SGCZ: variants seen among roughly 807,000 people sequenced by gnomAD.
SGCZ encodes zeta-sarcoglycan.
In SGCZ, 40 loss-of-function variants were observed where a neutral mutation model predicts 41.3. The ratio of observed to expected loss-of-function variants is 0.97; its 90% CI spans 0.75 to 1.26. The LOEUF (loss-of-function observed/expected upper bound fraction) is 1.26, where lower values mean the gene tolerates loss of function less well. SGCZ is among the 50% of genes most tolerant of loss of function. The pLI, the probability that SGCZ is intolerant of heterozygous loss-of-function variation, is 0.00. For missense variants in SGCZ, 552 were observed against 369.8 expected, an observed-to-expected ratio of 1.49 and a Z score of -4.04; for synonymous variants, 206 against 137.5, an observed-to-expected ratio of 1.50 and a Z score of -3.49.
intron 1 of SGCZ, among the ~76,000 whole-genome samples, chr8:14,839,856 A>T (rs183810530): frequency 6.6e-6 from 1 of 152,298 alleles, no homozygotes; most frequent in East Asian, 1.9e-4. Context: ...TCATTGACCC[A>T]CTTGACAAGG....
Position 14,656,364 on chromosome 8 carries a change from TTTC to T in SGCZ, c.40-101441_40-101439del, listed in dbSNP as rs1191615546. On this transcript the variant is annotated intron_variant, in intron 1 of 7. Transcript: ENST00000382080. ...CTTCCTTCTCTCCTTCCTTCTTCCT[TTTC>T]TTTTCGTTTTTTCTTCTTTTTCTCC... Among the ~76,000 whole-genome samples, 4 of 151,166 alleles carry T rather than the reference TTTC, an allele frequency of 2.6e-5. No homozygotes were observed. The East Asian group carries it at 6.0e-4, about 23-fold the overall frequency.
At chr8:14,211,771 C>T (rs574974030) in intron 4 of SGCZ, among the ~76,000 whole-genome samples, 1 of 152,266 alleles carries the variant, frequency 6.6e-6, no homozygotes, top group South Asian at 2.1e-4. Context: ...ACAATCCAAT[C>T]ACCTCCCACC....
intron 1 of SGCZ, among the ~76,000 whole-genome samples, chr8:15,073,251 A>T (rs1240559256): frequency 6.6e-6 from 1 of 152,176 alleles, no homozygotes; most frequent in African/African-American, 2.4e-5. Flanking sequence ...TTTAATAATC[A>T]TATCTTCACA....
intron 1 of SGCZ, among the ~76,000 whole-genome samples, chr8:14,805,994 G>A (rs376991769): frequency 2.4e-4 from 36 of 150,806 alleles, no homozygotes; most frequent in East Asian, 2.2e-3. Context: ...GGTACATAAC[G>A]AAATGAAGGC....
chr8:14,398,486 G>C (rs557637914), intron 2 of SGCZ, among the ~76,000 whole-genome samples: 1 of 152,138 alleles, frequency 6.6e-6, no homozygotes, highest in Admixed American at 6.6e-5. Context: ...AACAATTATA[G>C]AACTTTATTT....
intron 1 of SGCZ, among the ~76,000 whole-genome samples, chr8:14,824,647 C>A (rs78171643): frequency 0.085 from 12,931 of 151,892 alleles, 1,121 homozygotes; most frequent in East Asian, 0.22. Flanking sequence ...GCTTGACTAA[C>A]AAAATCTAAA....
chr8:14,922,311 T>G (rs2130792925), intron 1 of SGCZ, among the ~76,000 whole-genome samples: 1 of 152,284 alleles, frequency 6.6e-6, no homozygotes, highest in Non-Finnish European at 1.5e-5. Flanking sequence ...TTAAAGACAG[T>G]CTTTCAGTAA....
At chr8:14,430,830 G>A (rs544258638) in intron 2 of SGCZ, among the ~76,000 whole-genome samples, 30 of 152,208 alleles carry the variant, frequency 2.0e-4, no homozygotes, top group Middle Eastern at 3.4e-3. Flanking sequence ...TAGAACTTAC[G>A]TAAGAATTCA....
At chr8:14,299,897 T>C (rs566476948) in intron 3 of SGCZ, among the ~76,000 whole-genome samples, 54 of 152,104 alleles carry the variant, frequency 3.6e-4, no homozygotes, top group African/African-American at 1.3e-3. Context: ...TACAATAAAA[T>C]ACTACTCATC....
chr8:14,971,042 T>C (rs957780869), intron 1 of SGCZ, among the ~76,000 whole-genome samples: 2 of 152,224 alleles, frequency 1.3e-5, no homozygotes, highest in South Asian at 2.1e-4. Flanking sequence ...TTGATGCTTT[T>C]GTGAAATATA....
chr8:14,234,991 T>C (rs1355525678), intron 4 of SGCZ, among the ~76,000 whole-genome samples: 7 of 152,172 alleles, frequency 4.6e-5, no homozygotes, highest in Admixed American at 4.6e-4. Context: ...GTAACTTAAG[T>C]GATACCAATA....
At chr8:14,797,859 T>C (rs1801188128) in intron 1 of SGCZ, among the ~76,000 whole-genome samples, 2 of 152,214 alleles carry the variant, frequency 1.3e-5, no homozygotes, top group South Asian at 2.1e-4. Flanking sequence ...GCTCAGCCAA[T>C]GGCTTCGTAG....
intron 1 of SGCZ, among the ~76,000 whole-genome samples, chr8:14,966,229 A>G (rs1585419873): frequency 6.6e-6 from 1 of 151,908 alleles, no homozygotes; most frequent in South Asian, 2.1e-4. Context: ...AGAAAGGAGA[A>G]AAACAGGGGA....
chr8:14,121,645 G>C (rs1328150340), intron 5 of SGCZ, among the ~76,000 whole-genome samples: 3 of 152,010 alleles, frequency 2.0e-5, no homozygotes, highest in East Asian at 3.9e-4. Context: ...TTATTGTGTA[G>C]CAAAATTTAT....
intron 1 of SGCZ, among the ~76,000 whole-genome samples, chr8:14,875,709 G>T (rs1428890074): frequency 6.6e-6 from 1 of 152,116 alleles, no homozygotes; most frequent in African/African-American, 2.4e-5. Flanking sequence ...TAGTAATAAA[G>T]TGAATGAGCT....
At chr8:14,972,126 G>T (rs527647861) in intron 1 of SGCZ, among the ~76,000 whole-genome samples, 2 of 151,942 alleles carry the variant, frequency 1.3e-5, no homozygotes, top group Non-Finnish European at 2.9e-5. Context: ...TTCCTTAAAT[G>T]TTTGATAGAA....
intron 1 of SGCZ, among the ~76,000 whole-genome samples, chr8:14,680,477 C>G (rs1470256522): frequency 6.6e-6 from 1 of 151,956 alleles, no homozygotes; most frequent in Non-Finnish European, 1.5e-5. Context: ...TCCTTTTGTT[C>G]AATTTTACTA....
intron 3 of SGCZ, among the ~76,000 whole-genome samples, chr8:14,287,894 C>G (rs1427964573): frequency 1.3e-5 from 2 of 152,044 alleles, no homozygotes; most frequent in Non-Finnish European, 2.9e-5. Flanking sequence ...GCTTAATGGT[C>G]TGAGAATTTG....
rs1801501877 is a variant in SGCZ, at chr8:15,218,890, T to G, written c.39+18695A>C. Among the ~76,000 whole-genome samples the G allele has an allele frequency of 2.0e-5, 3 of 152,198 alleles. No individual in the cohort carries two copies. In the South Asian group the frequency reaches 6.2e-4, roughly 32 times the overall value. ...CGACATTTAGTAAAGTTAAATCACTTGCCCAAGGTCACACAGCCCACAAGT... is the reference window on the plus strand; with the variant it reads ...CGACATTTAGTAAAGTTAAATCACTGGCCCAAGGTCACACAGCCCACAAGT... On this transcript the variant is annotated intron_variant, in intron 1 of 7. Coordinates refer to ENST00000382080, the MANE Select transcript of SGCZ (RefSeq NM_139167.4).
Sources: gnomAD v4.1 joint callset for allele counts (sites outside exome capture counted in the v4.1 genomes callset) on GRCh38, gnomAD v4.1.1 for gene constraint, MANE v1.5 for transcripts, NCBI Gene and HGNC (gene_info 2026-07-23, HGNC 2026-07-21) for gene names.